CYP7A1: variants seen among roughly 807,000 people sequenced by gnomAD.
CYP7A1 encodes cytochrome P450 family 7 subfamily A member 1, also known as cytochrome P450 7A1.
In CYP7A1, 28 loss-of-function variants were observed where a neutral mutation model predicts 43.8. The observed-to-expected ratio is 0.64, with a 90% CI of 0.47 to 0.88. CYP7A1 has a LOEUF of 0.88. Among genes scored for constraint, CYP7A1 ranks in the 40% least tolerant of loss-of-function variants. The pLI is 0.00. For synonymous variants in CYP7A1, 227 were observed against 222.5 expected (o/e 1.02, Z -0.18); for missense variants, 637 against 611.9 (o/e 1.04, Z -0.43).
In CYP7A1 at chr8:58,498,252, A is replaced by T. The variant is rs777813512; in HGVS notation, c.298T>A (p.Phe100Ile). The change falls in exon 2 of 6, where the codon TTT becomes ATT. Residue 100 changes from phenylalanine (F) to isoleucine (I), a missense_variant. Phe to Ile is a conservative substitution (Grantham distance 21). Transcript: ENST00000301645. ...ACCTTCGCAGAAGTAGCAAAGTGAA[A>T]TTTTTTCCAATCAAAATATTTTCCG... Reference protein sequence around the residue: ...CHGKYFDWKKFHFATSAKAFG... With the variant: ...CHGKYFDWKKIHFATSAKAFG... 3 of 1,614,126 alleles carry T rather than the reference A, an allele frequency of 1.9e-6. No homozygotes were observed. The Admixed American group carries it at 5.0e-5, about 27-fold the overall frequency.
rs771107553 is a variant in CYP7A1 at position 58,492,324 on chromosome 8, A to G, written c.1215+29T>C. On this transcript the variant is annotated intron_variant, in intron 5 of 5. Transcript: ENST00000301645. ...TTAGATCTAGGTAGCTATCACCTGG[A>G]TATTGAATTTCAATGGGCAGGCACT... 3.2e-5 allele frequency: 50 copies of G among 1,559,630 alleles called. No homozygotes were observed. In the South Asian group the frequency reaches 4.7e-4, roughly 15 times the overall value.
chr8:58,491,873 T>C (rs1463021923), intron 5 of CYP7A1, 99 bp from the exon 6 acceptor site: 2 of 983,070 alleles, frequency 2.0e-6, no homozygotes, highest in African/African-American at 3.3e-5. Context: ...TTCTTTTTAA[T>C]TCTACCCCAT....
In CYP7A1 at chr8:58,497,276, T is replaced by A. The variant is rs2129605894; in HGVS notation, c.322-86A>T. ...CTGAAAAACGGATTAGATACTTTCA[T>A]AGTTCCTTACTTGGTAAACACGGGA... On this transcript the variant is annotated intron_variant, in intron 2 of 5. Coordinates refer to ENST00000301645, the MANE Select transcript of CYP7A1 (RefSeq NM_000780.4). 4.4e-6 allele frequency: 5 copies of A among 1,127,844 alleles called. No individual in the cohort carries two copies. In the South Asian group the frequency reaches 6.3e-5, roughly 14 times the overall value. 69.9% of individuals were successfully genotyped at this position (1,127,844 alleles called of 1,614,324 possible). A position where few individuals can be genotyped will look rare whatever the true frequency, so the allele number is the denominator to read the frequency against.
At chr8:58,499,927 A>C (rs911676383) in intron 1 of CYP7A1, 92 bp downstream of exon 1, 2 of 918,726 alleles carry the variant, frequency 2.2e-6, no homozygotes, top group Non-Finnish European at 1.8e-6. Flanking sequence ...AATATGTGTA[A>C]GTATAGAAAA....
In CYP7A1 at chr8:58,496,913, G is replaced by C; in HGVS notation, c.599C>G (p.Ala200Gly). Residue 200 changes from alanine to glycine, a missense_variant, in exon 3 of 6, where the codon GCA (alanine) becomes GGA (glycine). Transcript: ENST00000301645. ...RDLTRRDTQKAHILNNLDNFK... is the reference protein window; with the variant it reads ...RDLTRRDTQKGHILNNLDNFK... Reference sequence around the variant, plus strand: ...GTTGTCAAGATTGTTTAGAATATGTGCTTTCTGTGTGTCCCGCCTTGTAAG... The same window carrying C: ...GTTGTCAAGATTGTTTAGAATATGTCCTTTCTGTGTGTCCCGCCTTGTAAG... The C allele has an allele frequency of 6.2e-7, 1 of 1,614,202 alleles. No individual in the cohort carries two copies. The highest frequency in any genetic ancestry group is 8.5e-7 in the Non-Finnish European group (1 of 1,180,032).
chr8:58,492,759 T>C (rs1809372485), intron 4 of CYP7A1, among the ~76,000 whole-genome samples: 1 of 152,152 alleles, frequency 6.6e-6, no homozygotes, highest in South Asian at 2.1e-4. Flanking sequence ...TGTGTCTGAA[T>C]TTTTTTATTT....
chr8:58,494,762 G>A (rs1286369728), intron 3 of CYP7A1, 126 bp from the exon 4 acceptor site: 1 of 858,078 alleles, frequency 1.2e-6, no homozygotes, highest in Non-Finnish European at 1.9e-6. Context: ...GGGGAGGAGG[G>A]AAAGGGATAT....
chr8:58,495,037 G>A (rs914181417), intron 3 of CYP7A1, among the ~76,000 whole-genome samples: 2 of 151,352 alleles, frequency 1.3e-5, no homozygotes, highest in Non-Finnish European at 1.5e-5. Flanking sequence ...GGGAGGCTGA[G>A]GCAGGAGAAT....
rs753362618 is a variant in CYP7A1, at chr8:58,496,704, A to AG, written c.807dup (p.Phe270LeufsTer2). On this transcript the variant is annotated frameshift_variant, in exon 3 of 6. Transcript: ENST00000301645. LOFTEE classifies it high-confidence loss of function. ...GTCTTGGCCTTCTCCAGATCATCAA[A>AG]GGTGGACAAAGTGTCATTGAGAAAC... is the stretch of plus-strand genomic sequence containing the variant. 14 of 1,614,226 alleles carry AG rather than the reference A, an allele frequency of 8.7e-6. No homozygotes were observed. Among genetic ancestry groups the AG allele is most frequent in the Non-Finnish European group, 1.2e-5 (14 of 1,180,026 alleles).
At position 58,494,601 on chromosome 8, in the gene CYP7A1, ACTT is replaced by A. The variant is rs1454145328; in HGVS notation, c.941_943del (p.Glu314del). ...ACCAGCATTCTCTAATGTTCTTTTC[ACTT>A]CTTCAGTAGCTGCTTTCATTGCTTC... On this transcript the variant is annotated inframe_deletion, in exon 4 of 6. Coordinates refer to ENST00000301645, the MANE Select transcript of CYP7A1 (RefSeq NM_000780.4). 1 of 1,614,052 alleles carries A rather than the reference ACTT, an allele frequency of 6.2e-7. No individual in the cohort carries two copies. The highest frequency in any genetic ancestry group is 1.3e-5 in the African/African-American group (1 of 75,038).
At chr8:58,492,897 T>A (rs2129605793) in intron 4 of CYP7A1, among the ~76,000 whole-genome samples, 1 of 152,320 alleles carries the variant, frequency 6.6e-6, no homozygotes, top group South Asian at 2.1e-4. Context: ...CTCGAGTAGC[T>A]GCGACTATAG....
chr8:58,496,742 A>T lies in CYP7A1; in HGVS notation c.770T>A (p.Ile257Asn), dbSNP rs200100159. 1 of 1,614,198 alleles carries T rather than the reference A, an allele frequency of 6.2e-7. No individual in the cohort carries two copies. The highest frequency in any genetic ancestry group is 8.5e-7 in the Non-Finnish European group (1 of 1,180,032). The part of the protein sequence containing the change: ...LQKRESISEL[I>N]SLRMFLNDTL... ...GTCATTGAGAAACATGCGCAGGCTG[A>T]TCAGTTCTGAGATGCTTTCCCTCTT... The change falls in exon 3 of 6, where the codon ATC (isoleucine) becomes AAC (asparagine). Residue 257 changes from isoleucine (I) to asparagine (N), a missense_variant. Coordinates refer to ENST00000301645, the MANE Select transcript of CYP7A1 (RefSeq NM_000780.4).
chr8:58,491,654 C>T lies in CYP7A1; in HGVS notation c.1336G>A (p.Gly446Arg), dbSNP rs1327924474. 1.2e-6 allele frequency: 2 copies of T among 1,614,120 alleles called. No homozygotes were observed. The highest frequency in any genetic ancestry group is 2.2e-5 in the East Asian group (1 of 44,888). Reference sequence around the variant, plus strand: ...ATTTCGTGGATAGCGAACAATCTTCCAGGACATATTGTAGCTCCCGATCCA... The same window carrying T: ...ATTTCGTGGATAGCGAACAATCTTCTAGGACATATTGTAGCTCCCGATCCA... ...PFGSGATICPGRLFAIHEIKQ... is the reference protein window; with the variant it reads ...PFGSGATICPRRLFAIHEIKQ... Residue 446 changes from glycine (G) to arginine (R), a missense_variant, in exon 6 of 6, where the codon GGA (glycine) becomes AGA (arginine). Transcript: ENST00000301645.
rs747766938 is a variant in CYP7A1, at chr8:58,491,616, C to A, written c.1374G>T (p.Leu458Phe). 9 of 1,614,164 alleles carry A rather than the reference C, an allele frequency of 5.6e-6. No individual in the cohort carries two copies. The Admixed American group carries it at 6.7e-5, about 12-fold the overall frequency. Reference sequence around the variant, plus strand: ...ATTCAAAATAAGAAAGCATCAGAATCAAAAATTGCTTGATTTCGTGGATAG... The same window carrying A: ...ATTCAAAATAAGAAAGCATCAGAATAAAAAATTGCTTGATTTCGTGGATAG... ...LFAIHEIKQF[L>F]ILMLSYFELE... The change falls in exon 6 of 6, where the codon TTG (leucine) becomes TTT (phenylalanine). Residue 458 changes from leucine to phenylalanine, a missense_variant. Coordinates refer to ENST00000301645, the MANE Select transcript of CYP7A1 (RefSeq NM_000780.4).
At position 58,497,171 on chromosome 8, in the gene CYP7A1, A is replaced by G. The variant is rs763865825; in HGVS notation, c.341T>C (p.Ile114Thr). 11 of 1,599,692 alleles carry G rather than the reference A, an allele frequency of 6.9e-6. No individual in the cohort carries two copies. The highest frequency in any genetic ancestry group is 9.3e-6 in the Non-Finnish European group (11 of 1,179,914). ...TSAKAFGHRS[I>T]DPMDGNTTEN... ...AGTGGTATTTCCATCCATCGGGTCA[A>G]TGCTTCTGTGCCCAAATGCCTGATA... The change falls in exon 3 of 6, where the codon ATT becomes ACT. Residue 114 changes from isoleucine to threonine, a missense_variant. Transcript: ENST00000301645.
In CYP7A1 at chr8:58,496,953, T is replaced by G; in HGVS notation, c.559A>C (p.Ile187Leu). 6.2e-7 allele frequency: 1 copy of G among 1,614,160 alleles called. No individual in the cohort carries two copies. Among genetic ancestry groups the G allele is most frequent in the Middle Eastern group, 1.6e-4 (1 of 6,062 alleles). The change falls in exon 3 of 6, where the codon ATC becomes CTC. Residue 187 changes from isoleucine (I) to leucine (L), a missense_variant. Ile to Leu is a conservative substitution (Grantham distance 5). Transcript: ENST00000301645. Reference protein sequence around the residue: ...RVMFEAGYLTIFGRDLTRRDT... With the variant: ...RVMFEAGYLTLFGRDLTRRDT... ...CGCCTTGTAAGATCTCTGCCAAAGA[T>G]AGTTAAATACCCAGCTTCAAACATC...
At chr8:58,497,387 A>T (rs974673501) in intron 2 of CYP7A1, among the ~76,000 whole-genome samples, 197 bp from the exon 3 acceptor site, 3 of 152,056 alleles carry the variant, frequency 2.0e-5, no homozygotes, top group Admixed American at 1.3e-4. Flanking sequence ...CTTCAGTGGC[A>T]CTCCCCTGGA....
Position 58,491,919 on chromosome 8 carries a change from A to G in CYP7A1, c.1216-145T>C, listed in dbSNP as rs183211524. On this transcript the variant is annotated intron_variant, in intron 5 of 5. Coordinates refer to ENST00000301645, the MANE Select transcript of CYP7A1 (RefSeq NM_000780.4). ...GCAAATACTCCACATTGAATCAGAA[A>G]GTAATAAGGAACAGGAGCTTAATGA... 2,111 of 706,386 alleles carry G rather than the reference A, an allele frequency of 3.0e-3. 14 individuals are homozygous for G. The highest frequency in any genetic ancestry group is 2.6e-3 in the Admixed American group (99 of 38,652). The allele number at this position is 706,386 out of a possible 1,614,324, so 43.8% of individuals were successfully genotyped here.
At chr8:58,493,006 A>AGATAG (rs1172112954) in intron 4 of CYP7A1, among the ~76,000 whole-genome samples, 1 of 152,146 alleles carries the variant, frequency 6.6e-6, no homozygotes, top group Non-Finnish European at 1.5e-5. Context: ...CCTAGGCTTA[A>AGATAG]GCAATGTGCC....
Sources: gnomAD v4.1 joint callset for allele counts (sites outside exome capture counted in the v4.1 genomes callset) on GRCh38, gnomAD v4.1.1 for gene constraint, MANE v1.5 for transcripts, NCBI Gene and HGNC (gene_info 2026-07-23, HGNC 2026-07-21) for gene names.